The following PHF24 variants were observed in gnomAD, a reference collection of about 807,000 sequenced individuals.
PHF24 encodes the protein PHD finger protein 24.
In PHF24, 25 loss-of-function variants were observed where a neutral mutation model predicts 42.6. The ratio of observed to expected loss-of-function variants is 0.59; its 90% CI spans 0.43 to 0.82. The LOEUF is 0.82. PHF24 is among the 40% of genes least tolerant of loss of function. PHF24 has a pLI of 0.00. For synonymous variants in PHF24, 185 were observed against 204.8 expected (o/e 0.90, Z 0.83); for missense variants, 470 against 538.1 (o/e 0.87, Z 1.25).
chr9:34,727,900 C>T, the PHF24 span: 1 of 888,974 alleles, frequency 1.1e-6, no homozygotes. Context: ...AGTGTCCCTG[C>T]TTCCACTGTG....
the PHF24 span, among the ~76,000 whole-genome samples, chr9:34,831,223 C>T: frequency 4.2e-4 from 64 of 152,240 alleles, no homozygotes; most frequent in Middle Eastern, 0.01. Context: ...TCTGTGGTGC[C>T]GTCCTTGGCA....
chr9:34,953,733 C>T (rs1338600063), upstream of PHF24, among the ~76,000 whole-genome samples: 1 of 151,914 alleles, frequency 6.6e-6, no homozygotes, highest in Admixed American at 6.6e-5. This position sits in a 1 kb window ranked among gnomAD's most constrained non-coding sequence, Gnocchi z 4.1. Context: ...TCAGTTGAGG[C>T]CAGGAGTTTG....
chr9:34,708,833 C>T, the PHF24 span, among the ~76,000 whole-genome samples: 1 of 152,220 alleles, frequency 6.6e-6, no homozygotes, highest in Admixed American at 6.5e-5. Flanking sequence ...CCTACCCTGT[C>T]CTTCAGCCTC....
the PHF24 span, among the ~76,000 whole-genome samples, chr9:34,749,956 A>T: frequency 6.6e-6 from 1 of 152,158 alleles, no homozygotes; most frequent in Non-Finnish European, 1.5e-5. Context: ...AAGGAAAAAA[A>T]CTTTTACCCT....
At chr9:34,726,804 T>G in the PHF24 span, 92 of 1,551,612 alleles carry the variant, frequency 5.9e-5, no homozygotes, top group Non-Finnish European at 7.9e-5. Context: ...AAAGACATAC[T>G]AGACGTAGAC....
chr9:34,837,157 A>G, the PHF24 span: 2 of 470,666 alleles, frequency 4.2e-6, no homozygotes, highest in African/African-American at 4.0e-5. Flanking sequence ...GTTATAGTAG[A>G]CAGTGGCATG....
chr9:34,690,410 C>T, the PHF24 span: 47 of 1,417,308 alleles, frequency 3.3e-5, 1 homozygote, highest in South Asian at 4.4e-4. Flanking sequence ...GGCCCTAGCT[C>T]GGATTGAGGA....
chr9:34,977,086 T>C lies in PHF24; in HGVS notation c.853T>C (p.Ser285Pro). ...GATCTTGTCTCTTCTTCCCCAGAAC[T>C]CTCTGTTGAGGCTTCTGACAGTGAA... Residue 285 changes from serine to proline, a missense_variant, in exon 6 of 8, where the codon TCT becomes CCT. Transcript: ENST00000242315. 1 of 1,590,804 alleles carries C rather than the reference T, an allele frequency of 6.3e-7. No individual in the cohort carries two copies. Among genetic ancestry groups the C allele is most frequent in the Non-Finnish European group, 8.6e-7 (1 of 1,168,144 alleles).
chr9:34,905,329 G>A, the PHF24 span, among the ~76,000 whole-genome samples: 4 of 152,092 alleles, frequency 2.6e-5, no homozygotes, highest in East Asian at 3.9e-4. Flanking sequence ...CATCTAAGCC[G>A]CCTTCCTCTC....
chr9:34,834,137 A>G, the PHF24 span: 42,734 of 1,528,062 alleles, frequency 0.028, 839 homozygotes, highest in Middle Eastern at 0.037. Context: ...CTGCAGTACC[A>G]GGAACTGGCT....
the PHF24 span, among the ~76,000 whole-genome samples, chr9:34,924,639 T>A: frequency 6.6e-6 from 1 of 152,214 alleles, no homozygotes; most frequent in Non-Finnish European, 1.5e-5. Flanking sequence ...CTTTTTCCAT[T>A]CCTTTATTTT....
chr9:34,719,681 G>T, the PHF24 span, among the ~76,000 whole-genome samples: 1 of 152,282 alleles, frequency 6.6e-6, no homozygotes, highest in African/African-American at 2.4e-5. Flanking sequence ...CCTAAACCAG[G>T]ATGTATGCAC....
At chr9:34,824,142 C>T in the PHF24 span, among the ~76,000 whole-genome samples, 2 of 152,126 alleles carry the variant, frequency 1.3e-5, no homozygotes, top group Non-Finnish European at 2.9e-5. Flanking sequence ...CAGAGGGGTA[C>T]GGTGGGAATT....
chr9:34,887,421 C>T, the PHF24 span, among the ~76,000 whole-genome samples: 1 of 152,294 alleles, frequency 6.6e-6, no homozygotes, highest in East Asian at 1.9e-4. Flanking sequence ...GGCCTTATAC[C>T]ATGTGGCCCC....
the PHF24 span, among the ~76,000 whole-genome samples, chr9:34,809,394 T>C: frequency 6.6e-6 from 1 of 152,240 alleles, no homozygotes; most frequent in African/African-American, 2.4e-5. This position sits in a 1 kb window ranked among gnomAD's most constrained non-coding sequence, Gnocchi z 4.1. Context: ...CGTGGTCTGG[T>C]GTAATGCACA....
the PHF24 span, among the ~76,000 whole-genome samples, chr9:34,862,736 A>G: frequency 6.6e-6 from 1 of 150,920 alleles, no homozygotes; most frequent in African/African-American, 2.4e-5. Context: ...GCTATGGGGG[A>G]AAGTGCCTTC....
chr9:34,822,503 T>C, the PHF24 span, among the ~76,000 whole-genome samples: 19 of 152,364 alleles, frequency 1.2e-4, no homozygotes, highest in African/African-American at 4.6e-4. Flanking sequence ...AGTATCTTCA[T>C]ACCTCCAAAA....
the PHF24 span, among the ~76,000 whole-genome samples, chr9:34,911,046 A>G: frequency 6.6e-6 from 1 of 151,454 alleles, no homozygotes; most frequent in African/African-American, 2.4e-5. Context: ...CTAGTCTTGA[A>G]CTCCTGAATT....
the PHF24 span, among the ~76,000 whole-genome samples, chr9:34,858,110 A>G: frequency 2.6e-5 from 4 of 151,696 alleles, no homozygotes; most frequent in African/African-American, 7.3e-5. Flanking sequence ...TTTCCATTCC[A>G]TAAGAAGCTG....
Sources: gnomAD v4.1 joint callset for allele counts (sites outside exome capture counted in the v4.1 genomes callset) on GRCh38, gnomAD v4.1.1 for gene constraint, Gnocchi (gnomAD v3.1) non-coding constraint, MANE v1.5 for transcripts, NCBI Gene and HGNC (gene_info 2026-07-23, HGNC 2026-07-21) for gene names.